The following FGFR1 variants were observed in gnomAD, a reference collection of about 807,000 sequenced individuals.
The protein encoded by FGFR1 is FGFR1/PLAG1 fusion.
In FGFR1, 18 loss-of-function variants were observed where a neutral mutation model predicts 93.7. The ratio of observed to expected loss-of-function variants is 0.19; its 90% CI spans 0.13 to 0.28. The LOEUF is 0.28. Among genes scored for constraint, FGFR1 ranks in the 10% least tolerant of loss-of-function variants. The probability of loss-of-function intolerance (pLI) is 1.00; values close to 1 mark genes in which losing one functional copy is unlikely to be tolerated. For missense variants in FGFR1, 731 were observed against 1,080.4 expected (o/e 0.68, Z 4.53); for synonymous variants, 448 against 429.3 (o/e 1.04, Z -0.54).
intron 2 of FGFR1, among the ~76,000 whole-genome samples, chr8:38,453,525 C>T (rs990092326): frequency 1.3e-5 from 2 of 152,162 alleles, no homozygotes; most frequent in African/African-American, 4.8e-5. Flanking sequence ...CAGGGCAGTC[C>T]AAGGAAAATG....
intron 2 of FGFR1, among the ~76,000 whole-genome samples, chr8:38,444,512 C>G (rs534698543): frequency 6.6e-6 from 1 of 151,718 alleles, no homozygotes; most frequent in African/African-American, 2.4e-5. Flanking sequence ...CCTCAGCCCC[C>G]CAAGCAGCTG....
At chr8:38,451,602 G>A (rs909113657) in intron 2 of FGFR1, among the ~76,000 whole-genome samples, 1 of 152,118 alleles carries the variant, frequency 6.6e-6, no homozygotes, top group Non-Finnish European at 1.5e-5. Flanking sequence ...GGGGCTTGAG[G>A]CCAGAATGGA....
rs757362905 is a variant in FGFR1, at chr8:38,429,752, G to A, written c.288C>T (p.Ser96=). The part of the protein sequence containing the change: ...VEVQDSVPAD[S]GLYACVTSSP... ...TGCTGGTTACGCAAGCATAGAGGCC[G>A]GAGTCTGCGGGCACGGAGTCCTGCA... Residue 96 remains serine, a synonymous_variant, in exon 3 of 18, where the codon TCC becomes TCT. Transcript: ENST00000447712. The surrounding 1 kb of genome is among the most constrained non-coding windows in gnomAD (Gnocchi z 4.4). 23 of 1,596,788 alleles carry A rather than the reference G, an allele frequency of 1.4e-5. 1 individual carries two copies. The highest frequency in any genetic ancestry group is 2.3e-5 in the East Asian group (1 of 43,862).
intron 2 of FGFR1, among the ~76,000 whole-genome samples, chr8:38,445,498 T>C (rs1222622774): frequency 1.3e-5 from 2 of 152,160 alleles, no homozygotes; most frequent in Non-Finnish European, 2.9e-5. Flanking sequence ...TAAACATCAC[T>C]TTCAAGTGCA....
rs960308376 is a variant in FGFR1, at chr8:38,424,919, T to C, written c.746-220A>G. ...CTCCTCCCCAAGGCAGTCATCATAT[T>C]TACAGTCACAGTAAGTCGCTCATGC... On this transcript the variant is annotated intron_variant, in intron 6 of 17. Coordinates refer to ENST00000447712, the MANE Select transcript of FGFR1 (RefSeq NM_023110.3). This position sits in a 1 kb window ranked among gnomAD's most constrained non-coding sequence, Gnocchi z 4.3. Among the ~76,000 whole-genome samples, 14 of 152,192 alleles carry C rather than the reference T, an allele frequency of 9.2e-5. No individual in the cohort carries two copies. Among genetic ancestry groups the C allele is most frequent in the Non-Finnish European group, 1.8e-4 (12 of 68,042 alleles).
chr8:38,424,581 C>T lies in FGFR1; in HGVS notation c.864G>A (p.Gln288=), dbSNP rs1045012896. ...KVYSDPQPHI[Q]WLKHIEVNGS... ...CATTCACCTCGATGTGCTTTAGCCA[C>T]TGGATGTGCGGCTGCGGGTCACTGT... is the stretch of plus-strand genomic sequence containing the variant. Residue 288 remains glutamine, a synonymous_variant, in exon 7 of 18, where the codon CAG becomes CAA. Transcript: ENST00000447712. The surrounding 1 kb of genome is among the most constrained non-coding windows in gnomAD (Gnocchi z 4.3). The T allele has an allele frequency of 3.7e-6, 6 of 1,614,256 alleles. No individual in the cohort carries two copies. Among genetic ancestry groups the T allele is most frequent in the Non-Finnish European group, 5.1e-6 (6 of 1,180,050 alleles).
Position 38,425,555 on chromosome 8 carries a change from G to C in FGFR1, c.745+567C>G, listed in dbSNP as rs1820452680. ...GAGATTCTGTACCCAATGATCTCTA[G>C]GGAGTGAGTTTCAGAACTCCTAGAA... is the stretch of plus-strand genomic sequence containing the variant. On this transcript the variant is annotated intron_variant, in intron 6 of 17. Coordinates refer to ENST00000447712, the MANE Select transcript of FGFR1 (RefSeq NM_023110.3). 2.0e-5 allele frequency among the ~76,000 whole-genome samples: 3 copies of C among 152,272 alleles called. 1 individual carries two copies. In the South Asian group the frequency reaches 6.2e-4, roughly 32 times the overall value.
chr8:38,438,195 T>C (rs1826072296), intron 2 of FGFR1, among the ~76,000 whole-genome samples: 1 of 151,604 alleles, frequency 6.6e-6, no homozygotes, highest in South Asian at 2.1e-4. Flanking sequence ...CATACCAGCA[T>C]AGTTCTCAGC....
intron 2 of FGFR1, among the ~76,000 whole-genome samples, chr8:38,439,788 T>C (rs1826749236): frequency 6.6e-6 from 1 of 152,212 alleles, no homozygotes; most frequent in African/African-American, 2.4e-5. Context: ...CTTCTGAGAC[T>C]GGCCAAACTG....
chr8:38,413,245 T>C lies in FGFR1; in HGVS notation c.*383A>G. On this transcript the variant is annotated 3_prime_UTR_variant, in exon 18 of 18. Coordinates refer to ENST00000447712, the MANE Select transcript of FGFR1 (RefSeq NM_023110.3). The surrounding 1 kb of genome is among the most constrained non-coding windows in gnomAD (Gnocchi z 4.2). Reference sequence around the variant, plus strand: ...ACCTGCCACCAGAGTGCGAGGGGCTTATGGGTGAAGGCAAAACAGACCAAA... The same window carrying C: ...ACCTGCCACCAGAGTGCGAGGGGCTCATGGGTGAAGGCAAAACAGACCAAA... The C allele has an allele frequency of 3.1e-6, 1 of 325,618 alleles. No homozygotes were observed. The highest frequency in any genetic ancestry group is 5.7e-6 in the Non-Finnish European group (1 of 175,250). The allele number at this position is 325,618 out of a possible 1,614,324, so 20.2% of individuals were successfully genotyped here.
At chr8:38,441,056 C>T (rs1297986845) in intron 2 of FGFR1, among the ~76,000 whole-genome samples, 5 of 151,968 alleles carry the variant, frequency 3.3e-5, no homozygotes, top group African/African-American at 7.3e-5. Context: ...ACCCTGCACC[C>T]GCCCCGAGAC....
chr8:38,455,950 G>A (rs1483584304), intron 2 of FGFR1, among the ~76,000 whole-genome samples: 1 of 152,076 alleles, frequency 6.6e-6, no homozygotes, highest in Non-Finnish European at 1.5e-5. Flanking sequence ...CTCCCACTTT[G>A]GGTCCCCACC....
Position 38,418,011 on chromosome 8 carries a change from G to C in FGFR1, c.1431-20C>G, listed in dbSNP as rs747448728. 1.2e-6 allele frequency: 2 copies of C among 1,614,170 alleles called. No homozygotes were observed. Among genetic ancestry groups the C allele is most frequent in the African/African-American group, 1.3e-5 (1 of 75,064 alleles). The stretch of plus-strand genomic sequence containing the variant: ...ACCAGTCTTTCGGGGGAAACAGAGA[G>C]TGGCATAAGTTGGGGCTGGTGAAGT... On this transcript the variant is annotated intron_variant, in intron 10 of 17. Transcript: ENST00000447712.
At chr8:38,461,739 G>A (rs1413452885) in intron 1 of FGFR1, among the ~76,000 whole-genome samples, 1 of 152,172 alleles carries the variant, frequency 6.6e-6, no homozygotes, top group Non-Finnish European at 1.5e-5. Context: ...CCACATCACA[G>A]GTGATTATGA....
intron 2 of FGFR1, among the ~76,000 whole-genome samples, chr8:38,449,608 G>A (rs1830425505): frequency 6.6e-6 from 1 of 152,082 alleles, no homozygotes; most frequent in Non-Finnish European, 1.5e-5. Flanking sequence ...CCCACTTCAG[G>A]CTCCCTGTGT....
rs574491729 is a variant in FGFR1, at chr8:38,416,551, G to A, written c.1664-491C>T. The stretch of plus-strand genomic sequence containing the variant: ...GCTAACCGCAACCTCCGCCTCCCGT[G>A]TTCAAACGATTCTCCTGCCACAGCC... On this transcript the variant is annotated intron_variant, in intron 12 of 17. Transcript: ENST00000447712. Among the ~76,000 whole-genome samples, 11 of 145,402 alleles carry A rather than the reference G, an allele frequency of 7.6e-5. No individual in the cohort carries two copies. In the East Asian group the frequency reaches 2.2e-3, roughly 29 times the overall value.
At chr8:38,422,813 A>AGGAACACACAGAAGGCAGAGAG (rs1353649823) in intron 7 of FGFR1, 143 of 559,642 alleles carry the variant, frequency 2.6e-4, no homozygotes, top group African/African-American at 2.5e-3. Context: ...CACAAAGCCA[A>AGGAACACACAGAAGGCAGAGAG]GGAACACACA....
chr8:38,449,483 A>C (rs1335874209), intron 2 of FGFR1, among the ~76,000 whole-genome samples: 1 of 152,228 alleles, frequency 6.6e-6, no homozygotes, highest in African/African-American at 2.4e-5. Context: ...CTCTGAATTC[A>C]ATGTTCACTG....
chr8:38,429,404 A>T lies in FGFR1; in HGVS notation c.358+278T>A. 1 of 694,882 alleles carries T rather than the reference A, an allele frequency of 1.4e-6. No homozygotes were observed. The highest frequency in any genetic ancestry group is 2.8e-5 in the East Asian group (1 of 35,736). 43.0% of individuals were successfully genotyped at this position (694,882 alleles called of 1,614,324 possible). ...GATCTGGGCAAGCTGTGGTGGAAAA[A>T]AATCACAGGGTCTTAACATCCCAAG... On this transcript the variant is annotated intron_variant, in intron 3 of 17. Coordinates refer to ENST00000447712, the MANE Select transcript of FGFR1 (RefSeq NM_023110.3). The surrounding 1 kb of genome is among the most constrained non-coding windows in gnomAD (Gnocchi z 4.4).
Sources: allele counts gnomAD v4.1 joint callset (sites outside exome capture counted in the v4.1 genomes callset), GRCh38; gene constraint gnomAD v4.1.1; non-coding constraint Gnocchi (gnomAD v3.1); transcripts MANE v1.5; gene names NCBI Gene and HGNC (gene_info 2026-07-23, HGNC 2026-07-21).